The following CSMD3 variants were observed in gnomAD, a reference collection of about 807,000 sequenced individuals.
CSMD3 encodes the protein CUB and Sushi multiple domains 3, also known as CUB and sushi domain-containing protein 3.
Under a neutral mutation model 435.2 loss-of-function variants are expected in CSMD3, and 177 were observed. The ratio of observed to expected loss-of-function variants is 0.41; its 90% CI spans 0.36 to 0.46. The LOEUF is 0.46. Among genes scored for constraint, CSMD3 ranks in the 20% least tolerant of loss-of-function variants. The probability of loss-of-function intolerance (pLI) is 0.34; values close to 1 mark genes in which losing one functional copy is unlikely to be tolerated. For synonymous variants in CSMD3, 1,656 were observed against 1,520.5 expected, an observed-to-expected ratio of 1.09 and a Z score of -2.07; for missense variants, 4,265 against 4,504.6, an observed-to-expected ratio of 0.95 and a Z score of 1.52.
At chr8:113,132,952 C>A (rs1406831008) in intron 4 of CSMD3, among the ~76,000 whole-genome samples, 1 of 152,100 alleles carries the variant, frequency 6.6e-6, no homozygotes, top group Non-Finnish European at 1.5e-5. Flanking sequence ...ACATGAAGAT[C>A]ATTCTGAAAT....
At chr8:112,334,955 G>A (rs1264719117) in intron 45 of CSMD3, among the ~76,000 whole-genome samples, 1 of 152,160 alleles carries the variant, frequency 6.6e-6, no homozygotes, top group Non-Finnish European at 1.5e-5. Context: ...TTTAGAAAGA[G>A]TCACAGCAGG....
intron 32 of CSMD3, among the ~76,000 whole-genome samples, chr8:112,439,572 C>T (rs999450184): frequency 6.6e-6 from 1 of 152,096 alleles, no homozygotes; most frequent in African/African-American, 2.4e-5. Context: ...CTAGTCCATT[C>T]TCACACTGTT....
chr8:112,330,402 C>T (rs1307310098), intron 45 of CSMD3, among the ~76,000 whole-genome samples: 1 of 152,006 alleles, frequency 6.6e-6, no homozygotes, highest in African/African-American at 2.4e-5. Flanking sequence ...AGTGAATTTC[C>T]CTAGTACATT....
Position 113,434,249 on chromosome 8 carries a change from G to T in CSMD3, c.178+2428C>A, listed in dbSNP as rs146459424. ...TGCCTCGGACTTCCTGGACCCTCAC[G>T]CTAGTCTAGATTAGAACCTGCAAAA... On this transcript the variant is annotated intron_variant, in intron 1 of 70. Coordinates refer to ENST00000297405, the MANE Select transcript of CSMD3 (RefSeq NM_198123.2). Among the ~76,000 whole-genome samples the T allele has an allele frequency of 3.7e-3, 570 of 152,272 alleles. 4 individuals are homozygous for T. Among genetic ancestry groups the T allele is most frequent in the African/African-American group, 0.013 (525 of 41,552 alleles).
At chr8:112,335,004 T>C (rs761072578) in intron 45 of CSMD3, among the ~76,000 whole-genome samples, 1 of 152,208 alleles carries the variant, frequency 6.6e-6, no homozygotes, top group Non-Finnish European at 1.5e-5. Context: ...AAAAAATCTA[T>C]TGACGTCTCA....
intron 2 of CSMD3, among the ~76,000 whole-genome samples, chr8:113,301,428 AT>A: frequency 6.6e-6 from 1 of 151,978 alleles, no homozygotes; most frequent in East Asian, 1.9e-4. Context: ...ATATATTTTC[AT>A]TTTTTTAAAT....
At chr8:112,530,378 T>A (rs1443172277) in intron 27 of CSMD3, among the ~76,000 whole-genome samples, 2 of 152,108 alleles carry the variant, frequency 1.3e-5, no homozygotes, top group African/African-American at 4.8e-5. Context: ...TCAATAGTCA[T>A]CAAAGACAAA....
At position 112,308,103 on chromosome 8, in the gene CSMD3, T is replaced by TA. The variant is rs1189726880; in HGVS notation, c.7886-1912dup. On this transcript the variant is annotated intron_variant, in intron 50 of 70. Coordinates refer to ENST00000297405, the MANE Select transcript of CSMD3 (RefSeq NM_198123.2). ...GAACAGAAAAGCTGTAACACTGACT[T>TA]AAAATACATATGCAATCTCACATAA... Among the ~76,000 whole-genome samples, 6 of 152,246 alleles carry TA rather than the reference T, an allele frequency of 3.9e-5. No homozygotes were observed. The East Asian group carries it at 1.2e-3, about 29-fold the overall frequency.
chr8:112,938,674 C>A (rs1406962399), intron 9 of CSMD3, among the ~76,000 whole-genome samples: 1 of 152,078 alleles, frequency 6.6e-6, no homozygotes, highest in Non-Finnish European at 1.5e-5. Context: ...AAAATACACA[C>A]CACACGACTG....
At chr8:113,403,412 A>G (rs1406325625) in intron 1 of CSMD3, among the ~76,000 whole-genome samples, 3 of 151,318 alleles carry the variant, frequency 2.0e-5, no homozygotes, top group East Asian at 3.9e-4. Flanking sequence ...AAGAACCTCT[A>G]GTCTAAGAAA....
intron 23 of CSMD3, among the ~76,000 whole-genome samples, chr8:112,579,734 A>G (rs1830206878): frequency 6.6e-6 from 1 of 152,078 alleles, no homozygotes; most frequent in Non-Finnish European, 1.5e-5. Flanking sequence ...TGAAAATAAT[A>G]CACTTTAGAA....
intron 13 of CSMD3, among the ~76,000 whole-genome samples, chr8:112,756,769 A>AT (rs67224021): frequency 0.03 from 4,137 of 139,908 alleles, 136 homozygotes; most frequent in African/African-American, 0.08. Context: ...TTATGTATTA[A>AT]TTTTTTTTTT....
At chr8:112,945,865 A>G (rs1252059056) in intron 9 of CSMD3, among the ~76,000 whole-genome samples, 1 of 151,576 alleles carries the variant, frequency 6.6e-6, no homozygotes, top group Non-Finnish European at 1.5e-5. Context: ...TTTTCAGGCT[A>G]TTCCTTCCCT....
intron 13 of CSMD3, among the ~76,000 whole-genome samples, chr8:112,778,971 G>T (rs1179068274): frequency 6.6e-6 from 1 of 151,808 alleles, no homozygotes; most frequent in African/African-American, 2.4e-5. Flanking sequence ...TGCCATCTGT[G>T]TATCTTTTTC....
At chr8:112,390,302 C>T (rs932581765) in intron 36 of CSMD3, among the ~76,000 whole-genome samples, 2 of 152,148 alleles carry the variant, frequency 1.3e-5, no homozygotes, top group Non-Finnish European at 2.9e-5. Context: ...CACCTCAAGA[C>T]CTCAGGAGAA....
chr8:113,109,148 A>G (rs886745890), intron 4 of CSMD3, among the ~76,000 whole-genome samples: 2 of 152,246 alleles, frequency 1.3e-5, no homozygotes, highest in Non-Finnish European at 1.5e-5. Context: ...GACAACAGCA[A>G]CGCTTGATTT....
In CSMD3 at chr8:112,557,961, G is replaced by A. The variant is rs181962840; in HGVS notation, c.4043-1007C>T. Among the ~76,000 whole-genome samples the A allele has an allele frequency of 2.7e-3, 415 of 151,992 alleles. 1 individual carries two copies. The highest frequency in any genetic ancestry group is 9.5e-3 in the African/African-American group (394 of 41,496). ...GAAGTGTGGGCATTCTTGTCGGATT[G>A]AGCCCCTAAACTGTGGGGTCTATAT... On this transcript the variant is annotated intron_variant, in intron 24 of 70. Coordinates refer to ENST00000297405, the MANE Select transcript of CSMD3 (RefSeq NM_198123.2).
intron 3 of CSMD3, among the ~76,000 whole-genome samples, chr8:113,239,202 T>TG (rs2093184110): frequency 1.3e-5 from 2 of 152,126 alleles, no homozygotes; most frequent in Non-Finnish European, 2.9e-5. Flanking sequence ...AAACTCATAT[T>TG]GGAAGTGCAC....
chr8:112,891,275 T>C (rs1413683348), intron 10 of CSMD3, among the ~76,000 whole-genome samples: 1 of 151,612 alleles, frequency 6.6e-6, no homozygotes, highest in East Asian at 2.0e-4. Context: ...CGCCTTTGAA[T>C]TCCCCAAGTG....
Sources: gnomAD v4.1 joint callset for allele counts (sites outside exome capture counted in the v4.1 genomes callset) on GRCh38, gnomAD v4.1.1 for gene constraint, MANE v1.5 for transcripts, NCBI Gene and HGNC (gene_info 2026-07-23, HGNC 2026-07-21) for gene names.